Variants in MDN1 observed in about 807,000 individuals in gnomAD.
MDN1 encodes midasin AAA ATPase 1.
A neutral mutation model predicts 669.2 loss-of-function variants in MDN1; 266 were observed. The observed-to-expected ratio is 0.40, with a 90% CI of 0.36 to 0.44. MDN1 has a LOEUF of 0.44. Ranked by LOEUF, MDN1 falls within the 20% of genes least tolerant of loss-of-function variation. The pLI is 1.00. For synonymous variants in MDN1, 2,385 were observed against 2,457.1 expected, an observed-to-expected ratio of 0.97 and a Z score of 0.87; for missense variants, 5,940 against 6,754.0, an observed-to-expected ratio of 0.88 and a Z score of 4.22.
chr6:89,756,148 A>G (rs1817231969), intron 20 of MDN1, 129 bp downstream of exon 20: 3 of 506,050 alleles, frequency 5.9e-6, no homozygotes, highest in Non-Finnish European at 7.0e-6. Context: ...AAGAGAATCT[A>G]AATAATAATC....
chr6:89,795,903 C>T (rs937737274), intron 2 of MDN1, among the ~76,000 whole-genome samples: 7 of 152,010 alleles, frequency 4.6e-5, no homozygotes, highest in Admixed American at 4.6e-4. Flanking sequence ...TGCAGTGAGC[C>T]GAGATCGCAC....
intron 2 of MDN1, among the ~76,000 whole-genome samples, chr6:89,796,252 A>G (rs1029365651): frequency 6.9e-6 from 1 of 144,278 alleles, no homozygotes. Context: ...TGAGCCCGAG[A>G]CACGGAGGTT....
intron 15 of MDN1, among the ~76,000 whole-genome samples, chr6:89,763,763 T>C (rs1358580669): frequency 6.6e-6 from 1 of 151,978 alleles, no homozygotes; most frequent in Non-Finnish European, 1.5e-5. Flanking sequence ...GGAGAAACAA[T>C]GAGATGAGTA....
intron 23 of MDN1, 73 bp from the exon 24 acceptor site, chr6:89,750,605 T>C (rs1816887329): frequency 1.4e-6 from 2 of 1,393,604 alleles, no homozygotes; most frequent in Non-Finnish European, 2.0e-6. Context: ...GAACTGAGTA[T>C]TGGTTTGTTT....
intron 100 of MDN1, among the ~76,000 whole-genome samples, chr6:89,645,537 T>C (rs1808440563): frequency 6.6e-6 from 1 of 152,212 alleles, no homozygotes; most frequent in Non-Finnish European, 1.5e-5. Context: ...AGAAGGGCAT[T>C]AGAAGAAAGT....
At chr6:89,661,635 A>G in intron 87 of MDN1, 57 bp from the exon 88 acceptor site, 1 of 1,496,226 alleles carries the variant, frequency 6.7e-7, no homozygotes, top group African/African-American at 1.4e-5. Context: ...TTTTTTAAAA[A>G]GTAGAATTCC....
intron 90 of MDN1, 140 bp from the exon 91 acceptor site, chr6:89,656,941 C>G: frequency 1.5e-6 from 1 of 689,336 alleles, no homozygotes; most frequent in Non-Finnish European, 2.4e-6. Flanking sequence ...CCTGCCTGCC[C>G]TGGAACTCAC....
intron 88 of MDN1, among the ~76,000 whole-genome samples, chr6:89,661,026 C>G (rs962876216): frequency 4.6e-5 from 7 of 152,200 alleles, no homozygotes; most frequent in Non-Finnish European, 1.0e-4. Context: ...ACATGACAAT[C>G]AATAACTGAA....
rs763741431 is a variant in MDN1, at chr6:89,650,111, A to C, written c.16119T>G (p.Leu5373=). The C allele has an allele frequency of 6.2e-7, 1 of 1,614,160 alleles. No individual in the cohort carries two copies. Among genetic ancestry groups the C allele is most frequent in the Non-Finnish European group, 8.5e-7 (1 of 1,180,030 alleles). Residue 5373 remains leucine (L), a synonymous_variant, in exon 97 of 102, where the codon CTT becomes CTG. Transcript: ENST00000369393. ...GGCGTTTACTGGGCTTGGTCCTTCG[A>C]AGCCAAATCTTGTCTTTCCGAAATT... ...ASQFRKDKIW[L]RRTKPSKRQY... is the part of the protein sequence containing the mutation.
In MDN1 at chr6:89,745,629, GGGA is replaced by G. The variant is rs751450802; in HGVS notation, c.3905-6_3905-4del. 5.6e-6 allele frequency: 9 copies of G among 1,612,418 alleles called. No individual in the cohort carries two copies. The highest frequency in any genetic ancestry group is 2.2e-5 in the South Asian group (2 of 90,666). ...TCGACCTGCCAGAAGCATATAACCTGGGAGGAGGAGGAGGAAAAGGAGGAGAGG... is the reference window on the plus strand; with the variant it reads ...TCGACCTGCCAGAAGCATATAACCTGGGAGGAGGAGGAAAAGGAGGAGAGG... On this transcript the variant is annotated splice_region_variant and splice_polypyrimidine_tract_variant and intron_variant, in intron 27 of 101. Coordinates refer to ENST00000369393, the MANE Select transcript of MDN1 (RefSeq NM_014611.3).
intron 15 of MDN1, among the ~76,000 whole-genome samples, chr6:89,765,256 T>TAC (rs5878110): frequency 4.7e-5 from 7 of 150,468 alleles, no homozygotes; most frequent in African/African-American, 1.2e-4. Flanking sequence ...GACTATGCCA[T>TAC]ACACACACAC....
rs1434145990 is a variant in MDN1 at position 89,662,983 on chromosome 6, C to A, written c.14237-16G>T. 1 of 1,613,836 alleles carries A rather than the reference C, an allele frequency of 6.2e-7. No individual in the cohort carries two copies. The highest frequency in any genetic ancestry group is 8.5e-7 in the Non-Finnish European group (1 of 1,180,016). On this transcript the variant is annotated splice_polypyrimidine_tract_variant and intron_variant, in intron 85 of 101. Transcript: ENST00000369393. ...TCATCCTCTTCTGAAAGGGAAGGCA[C>A]TGAGCTTAGGCAGATCTCCAAACTG...
intron 57 of MDN1, 80 bp downstream of exon 57, chr6:89,699,983 G>T: frequency 7.4e-7 from 1 of 1,356,964 alleles, no homozygotes; most frequent in Non-Finnish European, 1.0e-6. Flanking sequence ...CAAGTCTGTG[G>T]TTTGTTTATG....
At chr6:89,712,424 G>A in intron 48 of MDN1, 151 bp downstream of exon 48, 1 of 943,906 alleles carries the variant, frequency 1.1e-6, no homozygotes, top group Non-Finnish European at 1.6e-6. Flanking sequence ...TAATCAATAG[G>A]GAGCAATATC....
chr6:89,783,799 C>T (rs923674723), intron 9 of MDN1, among the ~76,000 whole-genome samples: 1 of 152,026 alleles, frequency 6.6e-6, no homozygotes, highest in African/African-American at 2.4e-5. Context: ...CCAGCCAACA[C>T]TTATGGAAAA....
intron 53 of MDN1, 45 bp downstream of exon 53, chr6:89,706,014 G>A (rs1006091303): frequency 2.0e-6 from 3 of 1,502,544 alleles, no homozygotes; most frequent in Non-Finnish European, 2.7e-6. Flanking sequence ...TGCCAAGAAA[G>A]ATAAATTTTG....
chr6:89,686,623 G>C (rs1812025765), intron 69 of MDN1, among the ~76,000 whole-genome samples: 1 of 152,162 alleles, frequency 6.6e-6, no homozygotes, highest in Non-Finnish European at 1.5e-5. Context: ...TTCTATCATG[G>C]ACATAGAGAA....
chr6:89,791,146 G>A (rs1271773569), intron 5 of MDN1, among the ~76,000 whole-genome samples: 2 of 152,132 alleles, frequency 1.3e-5, no homozygotes, highest in African/African-American at 2.4e-5. Context: ...GAATTTGTTG[G>A]CAAATGTAAG....
chr6:89,705,089 A>G (rs1454371824), intron 53 of MDN1, among the ~76,000 whole-genome samples: 1 of 152,194 alleles, frequency 6.6e-6, no homozygotes, highest in African/African-American at 2.4e-5. Flanking sequence ...TATCCCAAAC[A>G]ACATACTACA....
Sources: gnomAD v4.1 joint callset for allele counts (sites outside exome capture counted in the v4.1 genomes callset) on GRCh38, gnomAD v4.1.1 for gene constraint, MANE v1.5 for transcripts, NCBI Gene and HGNC (gene_info 2026-07-23, HGNC 2026-07-21) for gene names.